Variants in MYZAP observed in about 807,000 individuals in gnomAD.
MYZAP encodes GRINL1A complex locus upstream.
MYZAP carries 66 observed loss-of-function variants against 69.4 expected under a neutral mutation model. That is an observed-to-expected ratio of 0.95 (90% CI 0.78 to 1.17). The LOEUF (loss-of-function observed/expected upper bound fraction) is 1.17. MYZAP is among the 50% of genes most tolerant of loss of function. MYZAP has a pLI of 0.00. For synonymous variants in MYZAP, 256 were observed against 205.9 expected (o/e 1.24, Z -2.09); for missense variants, 611 against 556.2 (o/e 1.10, Z -0.99).
At chr15:57,635,988 CA>C (rs1371412002) in intron 8 of MYZAP, among the ~76,000 whole-genome samples, 2 of 152,188 alleles carry the variant, frequency 1.3e-5, no homozygotes, top group Non-Finnish European at 1.5e-5. Context: ...ATAATCTGGG[CA>C]GTGGTTTCAC....
intron 8 of MYZAP, among the ~76,000 whole-genome samples, chr15:57,636,853 T>C (rs1358641662): frequency 6.6e-6 from 1 of 152,200 alleles, no homozygotes; most frequent in Non-Finnish European, 1.5e-5. Context: ...TTCCACAAGG[T>C]TAGTGGCTTA....
At chr15:57,668,431 C>T (rs1216725573) in intron 11 of MYZAP, among the ~76,000 whole-genome samples, 3 of 152,154 alleles carry the variant, frequency 2.0e-5, no homozygotes, top group Admixed American at 6.6e-5. Flanking sequence ...CATATCCTAA[C>T]CCAGACCTAG....
intron 1 of MYZAP, among the ~76,000 whole-genome samples, chr15:57,598,550 C>G (rs1220085229): frequency 1.3e-5 from 2 of 152,200 alleles, no homozygotes; most frequent in African/African-American, 4.8e-5. Flanking sequence ...GTTTTCCCTT[C>G]CGTCCATTGT....
chr15:57,609,646 T>A (rs1400833796), intron 2 of MYZAP, among the ~76,000 whole-genome samples: 1 of 152,198 alleles, frequency 6.6e-6, no homozygotes, highest in Non-Finnish European at 1.5e-5. Context: ...TTTGAGGAAA[T>A]CACCTTGAAT....
At chr15:57,634,162 C>G (rs1204680811) in intron 8 of MYZAP, among the ~76,000 whole-genome samples, 1 of 151,964 alleles carries the variant, frequency 6.6e-6, no homozygotes, top group Non-Finnish European at 1.5e-5. Flanking sequence ...CCCCATTTCT[C>G]TAGGTGTTGT....
At position 57,637,794 on chromosome 15, in the gene MYZAP, G is replaced by A. The variant is rs547980794; in HGVS notation, c.1013+20G>A. On this transcript the variant is annotated intron_variant, in intron 9 of 12. Coordinates refer to ENST00000267853, the MANE Select transcript of MYZAP (RefSeq NM_001018100.5). ...GGAAAGGTAAGACGTAATGCCTTTC[G>A]TCTTGTAATGGATTTAGGTTGTGGA... is the stretch of plus-strand genomic sequence containing the variant. The A allele has an allele frequency of 2.0e-4, 314 of 1,593,900 alleles. 1 individual carries two copies. In the South Asian group the frequency reaches 2.5e-3, roughly 13 times the overall value.
intron 4 of MYZAP, among the ~76,000 whole-genome samples, chr15:57,624,065 A>T (rs144955485): frequency 0.015 from 2,247 of 152,330 alleles, 30 homozygotes; most frequent in South Asian, 0.045. Context: ...TTTTTATAAA[A>T]ATATAAAAGT....
At chr15:57,609,027 C>T (rs1278708972) in intron 2 of MYZAP, among the ~76,000 whole-genome samples, 2 of 152,178 alleles carry the variant, frequency 1.3e-5, no homozygotes, top group Non-Finnish European at 2.9e-5. Flanking sequence ...CCAGGCTGCC[C>T]CTTTCACTTG....
chr15:57,620,848 A>G (rs899813183), intron 3 of MYZAP, among the ~76,000 whole-genome samples: 8 of 152,078 alleles, frequency 5.3e-5, no homozygotes, highest in African/African-American at 1.4e-4. Context: ...AAAACATGTG[A>G]TGGGAAAAGG....
intron 6 of MYZAP, among the ~76,000 whole-genome samples, chr15:57,631,842 T>G (rs1410589954): frequency 6.6e-6 from 1 of 152,192 alleles, no homozygotes; most frequent in East Asian, 1.9e-4. Flanking sequence ...GAGCAAACCT[T>G]CTGCAGCATA....
chr15:57,643,151 C>T (rs759598816), intron 10 of MYZAP, among the ~76,000 whole-genome samples: 6 of 152,038 alleles, frequency 3.9e-5, no homozygotes, highest in Non-Finnish European at 5.9e-5. Context: ...CTCTTATAGC[C>T]GGAAAATATA....
At chr15:57,647,313 C>T in intron 10 of MYZAP, 1 of 985,378 alleles carries the variant, frequency 1.0e-6, no homozygotes, top group Non-Finnish European at 1.2e-6. Flanking sequence ...AGATACGATG[C>T]TGGGTATTCA....
At chr15:57,646,430 A>G (rs2037451460) in intron 10 of MYZAP, 2 of 1,051,814 alleles carry the variant, frequency 1.9e-6, no homozygotes, top group African/African-American at 1.7e-5. Flanking sequence ...GAGAACTCAC[A>G]GATCCACAGA....
At position 57,639,491 on chromosome 15, in the gene MYZAP, C is replaced by T; in HGVS notation, c.1065C>T (p.His355=). Residue 355 remains histidine, a synonymous_variant, in exon 10 of 13, where the codon CAC becomes CAT. Transcript: ENST00000267853. Reference sequence around the variant, plus strand: ...CCAGCCTCCGTGAGCGGATCAGACACCTAGATGACATGGTGCATTGCCAGC... The same window carrying T: ...CCAGCCTCCGTGAGCGGATCAGACATCTAGATGACATGGTGCATTGCCAGC... ...ASASLRERIR[H]LDDMVHCQQK... The T allele has an allele frequency of 6.2e-7, 1 of 1,614,104 alleles. No homozygotes were observed. The highest frequency in any genetic ancestry group is 8.5e-7 in the Non-Finnish European group (1 of 1,180,006).
chr15:57,676,436 G>GTATATATATATA (rs1244767243), intron 12 of MYZAP, among the ~76,000 whole-genome samples: 5 of 20,074 alleles, frequency 2.5e-4, no homozygotes, highest in African/African-American at 4.5e-4. Flanking sequence ...ATATATATAT[G>GTATATATATATA]TATATATATA....
At chr15:57,625,053 CTCT>C (rs1595881298) in intron 4 of MYZAP, among the ~76,000 whole-genome samples, 1 of 150,096 alleles carries the variant, frequency 6.7e-6, no homozygotes, top group East Asian at 1.9e-4. Context: ...AACAAAACAA[CTCT>C]TTTTTTTTTT....
intron 10 of MYZAP, among the ~76,000 whole-genome samples, chr15:57,658,439 G>C (rs2038113125): frequency 6.6e-6 from 1 of 152,106 alleles, no homozygotes; most frequent in Non-Finnish European, 1.5e-5. Flanking sequence ...CTGATGCTTT[G>C]TTCCAATCAG....
rs763037423 is a variant in MYZAP, at chr15:57,647,502, A to C, written c.1119+7957A>C. Reference sequence around the variant, plus strand: ...TTGATTCATTGCCAAGTTTTAAAAAAGGAAATAATTAAGAGAATGCAATGA... The same window carrying C: ...TTGATTCATTGCCAAGTTTTAAAAACGGAAATAATTAAGAGAATGCAATGA... On this transcript the variant is annotated intron_variant, in intron 10 of 12. Coordinates refer to ENST00000267853, the MANE Select transcript of MYZAP (RefSeq NM_001018100.5). 280 of 985,468 alleles carry C rather than the reference A, an allele frequency of 2.8e-4. 1 individual carries two copies. The highest frequency in any genetic ancestry group is 4.2e-4 in the South Asian group (9 of 21,288). 61.0% of individuals were successfully genotyped at this position (985,468 alleles called of 1,614,324 possible).
At chr15:57,647,379 A>G in intron 10 of MYZAP, 3 of 985,424 alleles carry the variant, frequency 3.0e-6, no homozygotes, top group African/African-American at 1.7e-5. Context: ...ATGTTAGCTT[A>G]GTGTTGTTAC....
Sources: gnomAD v4.1 joint callset for allele counts (sites outside exome capture counted in the v4.1 genomes callset) on GRCh38, gnomAD v4.1.1 for gene constraint, MANE v1.5 for transcripts, NCBI Gene and HGNC (gene_info 2026-07-23, HGNC 2026-07-21) for gene names.